Variants in KIAA0408 observed in about 807,000 individuals in gnomAD.
The protein encoded by KIAA0408 is uncharacterized protein KIAA0408.
In KIAA0408, 51 loss-of-function variants were observed where a neutral mutation model predicts 60.9. The observed-to-expected ratio is 0.84, with a 90% CI of 0.67 to 1.06. The LOEUF is 1.06. Among genes scored for constraint, KIAA0408 ranks in the 50% least tolerant of loss-of-function variants. The pLI is 0.00. For missense variants in KIAA0408, 787 were observed against 833.9 expected (o/e 0.94, Z 0.69); for synonymous variants, 304 against 282.4 (o/e 1.08, Z -0.77).
At chr6:127,458,954 C>G (rs979555753) in intron 1 of KIAA0408, among the ~76,000 whole-genome samples, 2 of 152,154 alleles carry the variant, frequency 1.3e-5, no homozygotes, top group African/African-American at 4.8e-5. Context: ...GTTGGGAAAT[C>G]CACCCTGAGC....
At chr6:127,449,095 T>C in intron 4 of KIAA0408, among the ~76,000 whole-genome samples, 1 of 152,332 alleles carries the variant, frequency 6.6e-6, no homozygotes, top group African/African-American at 2.4e-5. Context: ...TTAAATATTT[T>C]AGTAGAACAT....
rs1773228807 is a variant in KIAA0408 at position 127,447,710 on chromosome 6, C to A, written c.609G>T (p.Met203Ile). 1 of 1,560,564 alleles carries A rather than the reference C, an allele frequency of 6.4e-7. No individual in the cohort carries two copies. The highest frequency in any genetic ancestry group is 2.1e-5 in the Admixed American group (1 of 48,052). The change falls in exon 5 of 6, where the codon ATG (methionine) becomes ATT (isoleucine). Residue 203 changes from methionine (M) to isoleucine (I), a missense_variant. Physicochemically the swap from Met to Ile is conservative, Grantham distance 10. This residue lies in a region of KIAA0408 where 640 missense variants were observed against 681.3 expected (regional missense o/e 0.94). Transcript: ENST00000483725. The part of the protein sequence containing the change: ...RMKSDSFLQE[M>I]PNVTNIPHGD... ...CATGAGGTATATTAGTTACATTTGG[C>A]ATTTCCTGGAGAAAAGAATCTGACT...
At chr6:127,449,352 T>C (rs1309789294) in intron 4 of KIAA0408, among the ~76,000 whole-genome samples, 1 of 152,140 alleles carries the variant, frequency 6.6e-6, no homozygotes, top group Non-Finnish European at 1.5e-5. Context: ...CAGAGAAATA[T>C]ACAATTACAG....
intron 1 of KIAA0408, among the ~76,000 whole-genome samples, chr6:127,456,567 AGCT>A (rs1773396617): frequency 6.6e-6 from 1 of 152,148 alleles, no homozygotes; most frequent in Non-Finnish European, 1.5e-5. Flanking sequence ...CAATGTATGG[AGCT>A]TTTCCTTTCC....
chr6:127,456,784 TGG>T (rs10590257), intron 1 of KIAA0408, among the ~76,000 whole-genome samples: 90,998 of 148,202 alleles, frequency 0.61, 27,491 homozygotes, highest in East Asian at 0.72. Context: ...TATAAAGTGG[TGG>T]GGGGGGGGCA....
Position 127,447,351 on chromosome 6 carries a change from A to T in KIAA0408, c.968T>A (p.Leu323Ter). Residue 323 changes from leucine (L) to a stop codon, truncating the protein, a stop_gained, in exon 5 of 6, where the codon TTG becomes TAG. Coordinates refer to ENST00000483725, the MANE Select transcript of KIAA0408 (RefSeq NM_014702.5). LOFTEE classifies it high-confidence loss of function. ...CGAAGTTTTCCCTTCATTTGGATAC[A>T]ACATAGACATCTCTTGTTGTCTCAA... ...FPLRQQEMSM[L>*]YPNEGKTSKD... The T allele has an allele frequency of 6.2e-7, 1 of 1,612,618 alleles. No homozygotes were observed. Among genetic ancestry groups the T allele is most frequent in the Non-Finnish European group, 8.5e-7 (1 of 1,179,538 alleles).
chr6:127,458,895 C>G (rs1773440366), intron 1 of KIAA0408, among the ~76,000 whole-genome samples: 1 of 152,130 alleles, frequency 6.6e-6, no homozygotes, highest in African/African-American at 2.4e-5. Context: ...AACTGAGAAG[C>G]AGTGTTGGAA....
Position 127,441,343 on chromosome 6 carries a change from A to G in KIAA0408, c.*2766T>C, listed in dbSNP as rs1243884409. On this transcript the variant is annotated 3_prime_UTR_variant, in exon 6 of 6. Coordinates refer to ENST00000483725, the MANE Select transcript of KIAA0408 (RefSeq NM_014702.5). ...GATAAAATGAATTATACAAAGCATC[A>G]TTTATATTTTTATATTTGGCTTTGG... 6.6e-6 allele frequency: 1 copy of G among 152,594 alleles called. No homozygotes were observed. The highest frequency in any genetic ancestry group is 1.5e-5 in the Non-Finnish European group (1 of 68,022). 9.5% of individuals were successfully genotyped at this position (152,594 alleles called of 1,614,324 possible). A position where few individuals can be genotyped will look rare whatever the true frequency, so the allele number is the denominator to read the frequency against.
At chr6:127,453,551 A>G (rs1237990187) in intron 2 of KIAA0408, among the ~76,000 whole-genome samples, 1 of 152,026 alleles carries the variant, frequency 6.6e-6, no homozygotes, top group Non-Finnish European at 1.5e-5. Flanking sequence ...GTATTTGAAA[A>G]TTCATGCAAA....
At chr6:127,455,778 T>C (rs1773381823) in intron 1 of KIAA0408, among the ~76,000 whole-genome samples, 1 of 152,174 alleles carries the variant, frequency 6.6e-6, no homozygotes, top group East Asian at 1.9e-4. Flanking sequence ...CCATGCTCAA[T>C]TTCTGACCTC....
Position 127,446,825 on chromosome 6 carries a change from A to G in KIAA0408, c.1494T>C (p.Asn498=). Residue 498 remains asparagine, a synonymous_variant, in exon 5 of 6, where the codon AAT becomes AAC. Coordinates refer to ENST00000483725, the MANE Select transcript of KIAA0408 (RefSeq NM_014702.5). ...TTTCCATGGGCACAGGCATGTGGGC[A>G]TTGGTTTTCCAAATACCGGACACAT... The part of the protein sequence containing the change: ...SNDVSGIWKT[N]AHMPVPMENV... The G allele has an allele frequency of 6.2e-7, 1 of 1,613,978 alleles. No homozygotes were observed. Among genetic ancestry groups the G allele is most frequent in the Non-Finnish European group, 8.5e-7 (1 of 1,179,964 alleles).
In KIAA0408 at chr6:127,447,733, A is replaced by T; in HGVS notation, c.586T>A (p.Ser196Thr). The T allele has an allele frequency of 6.5e-7, 1 of 1,544,820 alleles. No individual in the cohort carries two copies. Among genetic ancestry groups the T allele is most frequent in the Non-Finnish European group, 8.7e-7 (1 of 1,152,396 alleles). Residue 196 changes from serine (S) to threonine (T), a missense_variant, in exon 5 of 6, where the codon TCA becomes ACA. This residue lies in a region of KIAA0408 where 640 missense variants were observed against 681.3 expected (regional missense o/e 0.94). Transcript: ENST00000483725. ...GGCATTTCCTGGAGAAAAGAATCTG[A>T]CTTCATCCTAAACAATGATAAAACA... ...RKRSNHRRMK[S>T]DSFLQEMPNV...
chr6:127,447,757 C>G lies in KIAA0408; in HGVS notation c.579-17G>C, dbSNP rs199973498. 6.6e-7 allele frequency: 1 copy of G among 1,524,400 alleles called. No individual in the cohort carries two copies. Among genetic ancestry groups the G allele is most frequent in the East Asian group, 2.3e-5 (1 of 44,052 alleles). The allele number at this position is 1,524,400 out of a possible 1,614,324, so 94.4% of individuals were successfully genotyped here. A position where few individuals can be genotyped will look rare whatever the true frequency, so the allele number is the denominator to read the frequency against. ...GACTTCATCCTAAACAATGATAAAACATGGTGTATTGGTTATAACTTTATT... is the reference window on the plus strand; with the variant it reads ...GACTTCATCCTAAACAATGATAAAAGATGGTGTATTGGTTATAACTTTATT... On this transcript the variant is annotated splice_polypyrimidine_tract_variant and intron_variant, in intron 4 of 5. Coordinates refer to ENST00000483725, the MANE Select transcript of KIAA0408 (RefSeq NM_014702.5).
At chr6:127,453,649 T>C (rs539288745) in intron 2 of KIAA0408, among the ~76,000 whole-genome samples, 198 bp downstream of exon 2, 2 of 152,200 alleles carry the variant, frequency 1.3e-5, no homozygotes, top group East Asian at 3.9e-4. Flanking sequence ...ATGCTTAATT[T>C]TCATGCAATG....
rs1002217811 is a variant in KIAA0408, at chr6:127,443,036, A to G, written c.*1073T>C. ...AGAAGTATAATTTCAGCTTTCAAAG[A>G]AATATTATTCCTGATCTTCCTTGTT... On this transcript the variant is annotated 3_prime_UTR_variant, in exon 6 of 6. Transcript: ENST00000483725. 6.6e-6 allele frequency: 1 copy of G among 152,166 alleles called. No individual in the cohort carries two copies. Among genetic ancestry groups the G allele is most frequent in the Non-Finnish European group, 1.5e-5 (1 of 68,002 alleles). The allele number at this position is 152,166 out of a possible 1,614,324, so 9.4% of individuals were successfully genotyped here.
Position 127,449,870 on chromosome 6 carries a change from T to G in KIAA0408, c.530A>C (p.Glu177Ala), listed in dbSNP as rs1391335313. 1 of 1,613,950 alleles carries G rather than the reference T, an allele frequency of 6.2e-7. No homozygotes were observed. The highest frequency in any genetic ancestry group is 8.5e-7 in the Non-Finnish European group (1 of 1,179,978). ...ALEELAKVSE[E>A]LCSFQEEIRK... ...AATTTCCTCTTGAAAGCTGCATAATTCTTCACTCACCTTCGCAAGTTCTTC... is the reference window on the plus strand; with the variant it reads ...AATTTCCTCTTGAAAGCTGCATAATGCTTCACTCACCTTCGCAAGTTCTTC... The change falls in exon 4 of 6, where the codon GAA (glutamate) becomes GCA (alanine). Residue 177 changes from glutamate to alanine, a missense_variant. Transcript: ENST00000483725.
chr6:127,442,824 G>A lies in KIAA0408; in HGVS notation c.*1285C>T, dbSNP rs1056232423. On this transcript the variant is annotated 3_prime_UTR_variant, in exon 6 of 6. Transcript: ENST00000483725. ...TGGTTTTATATAGTGACAGTAGAGA[G>A]CAAAGTTCCTTCTAAAATCTTCCAT... 10 of 152,148 alleles carry A rather than the reference G, an allele frequency of 6.6e-5. No homozygotes were observed. The highest frequency in any genetic ancestry group is 2.4e-4 in the African/African-American group (10 of 41,438). 9.4% of individuals were successfully genotyped at this position (152,148 alleles called of 1,614,324 possible). A position where few individuals can be genotyped will look rare whatever the true frequency, so the allele number is the denominator to read the frequency against.
chr6:127,446,653 G>A lies in KIAA0408; in HGVS notation c.1666C>T (p.Pro556Ser). The change falls in exon 5 of 6, where the codon CCC (proline) becomes TCC (serine). Residue 556 changes from proline to serine, a missense_variant. Physicochemically the swap from Pro to Ser is moderately conservative, Grantham distance 74. Transcript: ENST00000483725. ...NLSGRPRSAD[P>S]RSNYGVVEKL... ...TCCACAACACCATAATTTGACCTGG[G>A]ATCAGCTGACCTCGGACGGCCAGAC... 1 of 1,614,022 alleles carries A rather than the reference G, an allele frequency of 6.2e-7. No homozygotes were observed. Among genetic ancestry groups the A allele is most frequent in the Non-Finnish European group, 8.5e-7 (1 of 1,180,012 alleles).
rs763895159 is a variant in KIAA0408 at position 127,447,000 on chromosome 6, G to T, written c.1319C>A (p.Ala440Glu). 4.3e-6 allele frequency: 7 copies of T among 1,613,754 alleles called. No homozygotes were observed. Among genetic ancestry groups the T allele is most frequent in the Non-Finnish European group, 5.9e-6 (7 of 1,179,938 alleles). ...AGTTCTGTTAAATTCATCAGTCTTTGCTGCCAGCTTCTCATTCCTTGTAGT... is the reference window on the plus strand; with the variant it reads ...AGTTCTGTTAAATTCATCAGTCTTTTCTGCCAGCTTCTCATTCCTTGTAGT... ...ERTTRNEKLA[A>E]KTDEFNRTVF... Residue 440 changes from alanine (A) to glutamate (E), a missense_variant, in exon 5 of 6, where the codon GCA becomes GAA. By Grantham distance (107) the Ala-to-Glu change is moderately radical (BLOSUM62 -1). This residue lies in a region of KIAA0408 where 640 missense variants were observed against 681.3 expected (regional missense o/e 0.94). Coordinates refer to ENST00000483725, the MANE Select transcript of KIAA0408 (RefSeq NM_014702.5).
Sources: gnomAD v4.1 joint callset for allele counts (sites outside exome capture counted in the v4.1 genomes callset) on GRCh38, gnomAD v4.1.1 for gene constraint, gnomAD v4.1.1 regional missense constraint, MANE v1.5 for transcripts, NCBI Gene and HGNC (gene_info 2026-07-23, HGNC 2026-07-21) for gene names.